KCNH7: variants seen among roughly 807,000 people sequenced by gnomAD.
KCNH7 encodes the protein potassium voltage-gated channel subfamily H member 7, also known as voltage-gated inwardly rectifying potassium channel KCNH7.
KCNH7 carries 49 observed loss-of-function variants against 120.8 expected under a neutral mutation model. The observed-to-expected ratio is 0.41, with a 90% CI of 0.32 to 0.51. The LOEUF (loss-of-function observed/expected upper bound fraction) is 0.51. Ranked by LOEUF, KCNH7 falls within the 20% of genes least tolerant of loss-of-function variation. KCNH7 has a pLI of 0.38. For synonymous variants in KCNH7, 547 were observed against 516.1 expected, an observed-to-expected ratio of 1.06 and a Z score of -0.81; for missense variants, 1,097 against 1,446.6, an observed-to-expected ratio of 0.76 and a Z score of 3.92.
chr2:162,426,214 TAA>T (rs751111957), intron 8 of KCNH7, among the ~76,000 whole-genome samples: 77 of 118,926 alleles, frequency 6.5e-4, no homozygotes, highest in African/African-American at 1.1e-3. Flanking sequence ...ACCCTATCTT[TAA>T]AAAAAAAAAA....
intron 2 of KCNH7, among the ~76,000 whole-genome samples, chr2:162,695,291 CT>C (rs1402850707): frequency 1.3e-5 from 2 of 152,026 alleles, no homozygotes; most frequent in Non-Finnish European, 2.9e-5. Context: ...TTTTATGTCT[CT>C]ACTCAATAGT....
chr2:162,465,349 G>A (rs1689273113), intron 6 of KCNH7, among the ~76,000 whole-genome samples: 1 of 152,062 alleles, frequency 6.6e-6, no homozygotes, highest in East Asian at 1.9e-4. Context: ...CATTGCGTTG[G>A]TGATATTAAA....
At chr2:162,410,854 A>G (rs557492272) in intron 9 of KCNH7, among the ~76,000 whole-genome samples, 6 of 152,266 alleles carry the variant, frequency 3.9e-5, no homozygotes, top group African/African-American at 1.4e-4. Flanking sequence ...AAAAATGTTT[A>G]TCATCAATAA....
chr2:162,549,088 C>G (rs959200324), intron 2 of KCNH7, among the ~76,000 whole-genome samples: 3 of 152,154 alleles, frequency 2.0e-5, no homozygotes, highest in African/African-American at 7.2e-5. Flanking sequence ...ACAGTTACCT[C>G]CCTAGACCTT....
intron 6 of KCNH7, among the ~76,000 whole-genome samples, chr2:162,458,116 T>C (rs1689030898): frequency 6.7e-6 from 1 of 150,132 alleles, no homozygotes; most frequent in South Asian, 2.1e-4. Context: ...TGTGTGTGTG[T>C]GTGTGTGTGT....
chr2:162,781,983 G>C (rs1399945648), intron 2 of KCNH7, among the ~76,000 whole-genome samples: 1 of 152,080 alleles, frequency 6.6e-6, no homozygotes, highest in African/African-American at 2.4e-5. Flanking sequence ...TGGAATTTAG[G>C]TTTTTCTAGT....
intron 6 of KCNH7, among the ~76,000 whole-genome samples, chr2:162,471,739 TTA>T (rs1689540439): frequency 6.6e-6 from 1 of 152,128 alleles, no homozygotes; most frequent in Admixed American, 6.6e-5. Context: ...AAAAACTACT[TTA>T]AAGTTCATAT....
intron 2 of KCNH7, among the ~76,000 whole-genome samples, chr2:162,774,051 CATG>C (rs1683152699): frequency 6.6e-6 from 1 of 152,038 alleles, no homozygotes; most frequent in Non-Finnish European, 1.5e-5. Context: ...GCTCCAGTGT[CATG>C]GATTAGTGAT....
intron 2 of KCNH7, among the ~76,000 whole-genome samples, chr2:162,742,869 GTTTTC>G (rs1404002816): frequency 2.6e-5 from 4 of 151,944 alleles, no homozygotes; most frequent in South Asian, 2.1e-4. Context: ...GATTTTTTTT[GTTTTC>G]TTTTGTTTTA....
intron 2 of KCNH7, among the ~76,000 whole-genome samples, chr2:162,539,334 A>G (rs1692224515): frequency 6.6e-6 from 1 of 152,108 alleles, no homozygotes; most frequent in South Asian, 2.1e-4. Flanking sequence ...CATTTAGAAT[A>G]TCATTGTGAA....
intron 3 of KCNH7, among the ~76,000 whole-genome samples, chr2:162,525,792 ATGC>A (rs1691683448): frequency 6.6e-6 from 1 of 151,904 alleles, no homozygotes; most frequent in African/African-American, 2.4e-5. Context: ...AATTACCCAA[ATGC>A]TGTATGTATG....
intron 2 of KCNH7, among the ~76,000 whole-genome samples, chr2:162,596,173 C>T (rs182487351): frequency 6.6e-6 from 1 of 152,116 alleles, no homozygotes. Context: ...TATCAAAACT[C>T]CAATGACAGA....
intron 2 of KCNH7, among the ~76,000 whole-genome samples, chr2:162,641,193 A>T (rs1684144344): frequency 6.6e-6 from 1 of 152,208 alleles, no homozygotes; most frequent in Admixed American, 6.5e-5. Flanking sequence ...TGCTCATGTA[A>T]AACCTGTACA....
chr2:162,473,238 T>TA (rs1046769015), intron 6 of KCNH7, among the ~76,000 whole-genome samples: 5 of 147,722 alleles, frequency 3.4e-5, no homozygotes, highest in African/African-American at 1.2e-4. Flanking sequence ...TAAATAAAAA[T>TA]AAAAAATAAA....
chr2:162,446,508 A>G, intron 6 of KCNH7, 65 bp from the exon 7 acceptor site: 1 of 1,203,820 alleles, frequency 8.3e-7, no homozygotes, highest in Non-Finnish European at 1.2e-6. Flanking sequence ...TAAACCTATC[A>G]AATATTAAGG....
chr2:162,539,169 C>A (rs534819642), intron 2 of KCNH7, among the ~76,000 whole-genome samples: 1 of 152,028 alleles, frequency 6.6e-6, no homozygotes, highest in South Asian at 2.1e-4. Flanking sequence ...TAAGACTGTT[C>A]TATTAGAACT....
intron 2 of KCNH7, among the ~76,000 whole-genome samples, chr2:162,584,715 G>A (rs906864529): frequency 2.0e-5 from 3 of 151,984 alleles, no homozygotes; most frequent in African/African-American, 7.2e-5. Context: ...AGAGCTCAGA[G>A]GCACTGCTGT....
At chr2:162,751,470 T>A (rs1688547595) in intron 2 of KCNH7, among the ~76,000 whole-genome samples, 1 of 152,116 alleles carries the variant, frequency 6.6e-6, no homozygotes, top group African/African-American at 2.4e-5. Context: ...TGAACATTAT[T>A]CTAAATATAA....
intron 6 of KCNH7, among the ~76,000 whole-genome samples, chr2:162,486,697 T>A (rs1204190977): frequency 6.6e-6 from 1 of 152,186 alleles, no homozygotes; most frequent in Non-Finnish European, 1.5e-5. Flanking sequence ...ATGTTTGAGT[T>A]GCACATATAG....
Sources: allele counts gnomAD v4.1 joint callset (sites outside exome capture counted in the v4.1 genomes callset), GRCh38; gene constraint gnomAD v4.1.1; transcripts MANE v1.5; gene names NCBI Gene and HGNC (gene_info 2026-07-23, HGNC 2026-07-21).